The following LAMC1 variants were observed in gnomAD, a reference collection of about 807,000 sequenced individuals.
LAMC1 encodes laminin subunit gamma 1, also known as laminin subunit gamma-1.
LAMC1 carries 38 observed loss-of-function variants against 173.6 expected under a neutral mutation model. The ratio of observed to expected loss-of-function variants is 0.22; its 90% CI spans 0.17 to 0.29. LAMC1 has a LOEUF of 0.29. LAMC1 is among the 10% of genes least tolerant of loss of function. The pLI, the probability that LAMC1 is intolerant of heterozygous loss-of-function variation, is 1.00. For missense variants in LAMC1, 1,824 were observed against 2,051.8 expected (o/e 0.89, Z 2.14); for synonymous variants, 746 against 749.1 (o/e 1.00, Z 0.07).
chr1:183,089,558 A>G (rs1243749950), intron 1 of LAMC1, among the ~76,000 whole-genome samples: 1 of 152,242 alleles, frequency 6.6e-6, no homozygotes, highest in Non-Finnish European at 1.5e-5. Flanking sequence ...CAAACTCTTT[A>G]CTACTTTCCA....
At chr1:183,125,323 CTT>C (rs1337699317) in intron 14 of LAMC1, 72 bp from the exon 15 acceptor site, 5 of 1,529,378 alleles carry the variant, frequency 3.3e-6, no homozygotes, top group African/African-American at 2.7e-5. Context: ...TAAAGAATCT[CTT>C]TAGGTTGTTT....
At chr1:183,060,950 A>G (rs1489046554) in intron 1 of LAMC1, among the ~76,000 whole-genome samples, 1 of 152,208 alleles carries the variant, frequency 6.6e-6, no homozygotes, top group Non-Finnish European at 1.5e-5. Flanking sequence ...AAGCTGACCA[A>G]TTGAGATGTG....
intron 11 of LAMC1, among the ~76,000 whole-genome samples, chr1:183,120,198 G>T (rs1656434509): frequency 7.0e-6 from 1 of 143,768 alleles, no homozygotes; most frequent in Admixed American, 7.3e-5. Context: ...AAAGGTGGCG[G>T]GGTGGTGTTG....
intron 1 of LAMC1, among the ~76,000 whole-genome samples, chr1:183,054,561 G>C (rs4652772): frequency 0.5 from 76,340 of 152,028 alleles, 19,810 homozygotes; most frequent in South Asian, 0.64. Flanking sequence ...TGAGAAGAAA[G>C]CAGGGGTAAA....
Position 183,127,392 on chromosome 1 carries a change from G to T in LAMC1, c.3111G>T (p.Leu1037=). 1 of 1,613,946 alleles carries T rather than the reference G, an allele frequency of 6.2e-7. No homozygotes were observed. The highest frequency in any genetic ancestry group is 1.1e-5 in the South Asian group (1 of 91,044). ...GCQECPACYR[L]VKDKVADHRV... Reference sequence around the variant, plus strand: ...AGGAATGTCCAGCTTGTTACCGGCTGGTAAAGGATAAGGTAAGCTGTCAAT... The same window carrying T: ...AGGAATGTCCAGCTTGTTACCGGCTTGTAAAGGATAAGGTAAGCTGTCAAT... The change falls in exon 17 of 28, where the codon CTG becomes CTT. Residue 1037 remains leucine (L), a synonymous_variant. Coordinates refer to ENST00000258341, the MANE Select transcript of LAMC1 (RefSeq NM_002293.4).
In LAMC1 at chr1:183,121,635, G is replaced by T. The variant is rs1352778394; in HGVS notation, c.1991-88G>T. The T allele has an allele frequency of 6.3e-6, 7 of 1,115,994 alleles. No homozygotes were observed. In the African/African-American group the frequency reaches 6.3e-5, roughly 10 times the overall value. The allele number at this position is 1,115,994 out of a possible 1,614,324, so 69.1% of individuals were successfully genotyped here. On this transcript the variant is annotated intron_variant, in intron 11 of 27. Coordinates refer to ENST00000258341, the MANE Select transcript of LAMC1 (RefSeq NM_002293.4). ...ATGGCTAATTTTCTCTGGAATTTGG[G>T]GTCTAGTTACTTTTTAGTGTTACTG...
intron 4 of LAMC1, among the ~76,000 whole-genome samples, chr1:183,111,087 TTTTTC>T (rs1170535029): frequency 8.2e-5 from 12 of 146,180 alleles, no homozygotes; most frequent in African/African-American, 2.4e-4. Flanking sequence ...GATTATTTCT[TTTTTC>T]TTTTCTTTTT....
At chr1:183,120,650 T>G (rs1167886568) in intron 11 of LAMC1, among the ~76,000 whole-genome samples, 1 of 152,210 alleles carries the variant, frequency 6.6e-6, no homozygotes, top group Non-Finnish European at 1.5e-5. Flanking sequence ...TCTGATAAAA[T>G]GTTCCTGTTG....
intron 1 of LAMC1, among the ~76,000 whole-genome samples, chr1:183,059,642 A>G (rs116426130): frequency 1.3e-3 from 198 of 152,322 alleles, no homozygotes; most frequent in African/African-American, 4.5e-3. Flanking sequence ...TAAGTCCACA[A>G]CTAATTTGTG....
chr1:183,107,162 C>G (rs779790210), intron 2 of LAMC1, among the ~76,000 whole-genome samples: 2 of 152,196 alleles, frequency 1.3e-5, no homozygotes, highest in Non-Finnish European at 2.9e-5. Flanking sequence ...ATGGTTTCTT[C>G]AAATTCATTC....
chr1:183,100,027 A>G (rs1355284824), intron 1 of LAMC1, among the ~76,000 whole-genome samples: 1 of 152,152 alleles, frequency 6.6e-6, no homozygotes, highest in African/African-American at 2.4e-5. Flanking sequence ...CTTCCACCTC[A>G]TGGAATGGGA....
intron 22 of LAMC1, 98 bp downstream of exon 22, chr1:183,133,648 T>C: frequency 8.3e-7 from 1 of 1,204,150 alleles, no homozygotes; most frequent in Admixed American, 2.5e-5. Context: ...TCCCACTGAC[T>C]CGCTGGTAAA....
chr1:183,064,184 A>G (rs1015387240), intron 1 of LAMC1, among the ~76,000 whole-genome samples: 3 of 152,206 alleles, frequency 2.0e-5, no homozygotes, highest in African/African-American at 7.2e-5. Flanking sequence ...GTGCTTCTAT[A>G]TATATGTATA....
At position 183,076,667 on chromosome 1, in the gene LAMC1, A is replaced by C. The variant is rs1365692254; in HGVS notation, c.419-26661A>C. Among the ~76,000 whole-genome samples, 3 of 152,242 alleles carry C rather than the reference A, an allele frequency of 2.0e-5. No individual in the cohort carries two copies. The East Asian group carries it at 5.8e-4, about 29-fold the overall frequency. On this transcript the variant is annotated intron_variant, in intron 1 of 27. Coordinates refer to ENST00000258341, the MANE Select transcript of LAMC1 (RefSeq NM_002293.4). ...AGACAGTGTACCCAGACCATATTTC[A>C]TCAAATCCCCCATCAAGACAAAGTC...
At chr1:183,131,190 A>AAAAAAAT in intron 19 of LAMC1, 109 bp from the exon 20 acceptor site, 1 of 686,432 alleles carries the variant, frequency 1.5e-6, no homozygotes, top group African/African-American at 1.8e-5. Context: ...AAAAAAAAAA[A>AAAAAAAT]GGTAGAGGCA....
chr1:183,072,440 C>A (rs113302019), intron 1 of LAMC1, among the ~76,000 whole-genome samples: 1 of 152,152 alleles, frequency 6.6e-6, no homozygotes, highest in African/African-American at 2.4e-5. Flanking sequence ...CATTGTATTC[C>A]GTTTGCAAAG....
chr1:183,079,411 C>T (rs1284621512), intron 1 of LAMC1, among the ~76,000 whole-genome samples: 3 of 151,920 alleles, frequency 2.0e-5, no homozygotes, highest in Non-Finnish European at 4.4e-5. Context: ...CATGCCACTA[C>T]ACCCAGCTAA....
At position 183,130,415 on chromosome 1, in the gene LAMC1, C is replaced by G; in HGVS notation, c.3352C>G (p.Gln1118Glu). 6.2e-7 allele frequency: 1 copy of G among 1,614,184 alleles called. No homozygotes were observed. The highest frequency in any genetic ancestry group is 8.5e-7 in the Non-Finnish European group (1 of 1,180,010). Residue 1118 changes from glutamine to glutamate, a missense_variant, in exon 19 of 28, where the codon CAG (glutamine) becomes GAG (glutamate). Gln to Glu is a conservative substitution (Grantham distance 29). Coordinates refer to ENST00000258341, the MANE Select transcript of LAMC1 (RefSeq NM_002293.4). ...TCTGTCCAGCCAAATTAGCCGTTTA[C>G]AGAATATCCGGAATACCATTGAAGA... ...NTLSSQISRL[Q>E]NIRNTIEETG...
intron 1 of LAMC1, among the ~76,000 whole-genome samples, chr1:183,097,514 A>C (rs1655723550): frequency 6.6e-6 from 1 of 152,222 alleles, no homozygotes; most frequent in Admixed American, 6.5e-5. Context: ...CTAAACTCTA[A>C]AGGAGGTTGT....
Sources: allele counts gnomAD v4.1 joint callset (sites outside exome capture counted in the v4.1 genomes callset), GRCh38; gene constraint gnomAD v4.1.1; transcripts MANE v1.5; gene names NCBI Gene and HGNC (gene_info 2026-07-23, HGNC 2026-07-21).